Variants in SLC22A23 observed in about 807,000 individuals in gnomAD.
SLC22A23 encodes the protein solute carrier family 22 member 23.
A neutral mutation model predicts 61.0 loss-of-function variants in SLC22A23; 26 were observed. That is an observed-to-expected ratio of 0.43 (90% CI 0.31 to 0.59). The LOEUF (loss-of-function observed/expected upper bound fraction) is 0.59. Ranked by LOEUF, SLC22A23 falls within the 20% of genes least tolerant of loss-of-function variation. The pLI is 0.11. For synonymous variants in SLC22A23, 430 were observed against 413.9 expected (o/e 1.04, Z -0.47); for missense variants, 796 against 934.7 (o/e 0.85, Z 1.94).
intron 3 of SLC22A23, among the ~76,000 whole-genome samples, chr6:3,370,074 A>G (rs779515659): frequency 1.3e-5 from 2 of 152,250 alleles, no homozygotes; most frequent in Non-Finnish European, 2.9e-5. Flanking sequence ...AATCGGCTAC[A>G]ATAGACTTTG....
rs1422487160 is a variant in SLC22A23, at chr6:3,429,152, GT to G, written c.655-13298del. 2.6e-5 allele frequency among the ~76,000 whole-genome samples: 4 copies of G among 152,182 alleles called. 1 individual carries two copies. Among genetic ancestry groups the G allele is most frequent in the African/African-American group, 9.7e-5 (4 of 41,450 alleles). Reference sequence around the variant, plus strand: ...AAATTCTGGGATTTTAAAGGCTGGGGTACAACAGTCCTGTCACCCCTGACAA... The same window carrying G: ...AAATTCTGGGATTTTAAAGGCTGGGGACAACAGTCCTGTCACCCCTGACAA... On this transcript the variant is annotated intron_variant, in intron 1 of 9. Transcript: ENST00000406686.
chr6:3,282,346 G>A (rs539219795), intron 9 of SLC22A23: 241 of 701,856 alleles, frequency 3.4e-4, no homozygotes, highest in Non-Finnish European at 5.6e-4. Context: ...GACAGGATGA[G>A]TTCCTTGTGC....
At chr6:3,345,485 C>T (rs1764382773) in intron 3 of SLC22A23, among the ~76,000 whole-genome samples, 1 of 151,596 alleles carries the variant, frequency 6.6e-6, no homozygotes, top group South Asian at 2.1e-4. Context: ...CCTGCCTCAG[C>T]CTCCTGAGTA....
Position 3,350,338 on chromosome 6 carries a change from T to A in SLC22A23, c.914-26336A>T, listed in dbSNP as rs1263873423. On this transcript the variant is annotated intron_variant, in intron 3 of 9. Coordinates refer to ENST00000406686, the MANE Select transcript of SLC22A23 (RefSeq NM_015482.2). ...GCTGAAGGCTGCTGTTTTTGTACAA[T>A]GCACTGCCTGATTTTATTCAGCTCG... Among the ~76,000 whole-genome samples the A allele has an allele frequency of 3.3e-5, 5 of 152,208 alleles. No homozygotes were observed. In the East Asian group the frequency reaches 5.8e-4, roughly 18 times the overall value.
chr6:3,419,877 G>T (rs1191942403), intron 1 of SLC22A23, among the ~76,000 whole-genome samples: 1 of 152,162 alleles, frequency 6.6e-6, no homozygotes, highest in Admixed American at 6.5e-5. Context: ...CAGGGGGTAA[G>T]CAGACAAGAT....
intron 3 of SLC22A23, among the ~76,000 whole-genome samples, chr6:3,326,651 G>A (rs1048799402): frequency 6.6e-6 from 1 of 152,136 alleles, no homozygotes; most frequent in Non-Finnish European, 1.5e-5. Flanking sequence ...GCAGAGACTT[G>A]GTATTTTAGC....
At chr6:3,430,297 T>C (rs1313888754) in intron 1 of SLC22A23, among the ~76,000 whole-genome samples, 1 of 152,128 alleles carries the variant, frequency 6.6e-6, no homozygotes, top group Non-Finnish European at 1.5e-5. Context: ...AGCTTGTCCA[T>C]GGGTGAAAGG....
At chr6:3,287,424 T>TACTGACTCA (rs1760125230) in intron 6 of SLC22A23, among the ~76,000 whole-genome samples, 1 of 152,050 alleles carries the variant, frequency 6.6e-6, no homozygotes, top group Non-Finnish European at 1.5e-5. Context: ...GCTTTCCAGG[T>TACTGACTCA]ACTGACTCAT....
intron 1 of SLC22A23, chr6:3,439,557 ACT>A (rs1319364916): frequency 5.1e-6 from 1 of 197,706 alleles, no homozygotes. Context: ...AAGCTACATA[ACT>A]CTTCTTAATC....
At chr6:3,345,968 C>T (rs1461189518) in intron 3 of SLC22A23, among the ~76,000 whole-genome samples, 3 of 152,134 alleles carry the variant, frequency 2.0e-5, no homozygotes, top group Admixed American at 2.0e-4. Flanking sequence ...CTGTGGCCTT[C>T]CTTGATATTG....
At chr6:3,353,812 G>A (rs1454918561) in intron 3 of SLC22A23, among the ~76,000 whole-genome samples, 2 of 152,114 alleles carry the variant, frequency 1.3e-5, no homozygotes, top group African/African-American at 4.8e-5. Context: ...CACCTTCTTA[G>A]TAGAGGCAGA....
intron 3 of SLC22A23, among the ~76,000 whole-genome samples, chr6:3,396,111 G>T (rs1343570483): frequency 6.6e-6 from 1 of 152,240 alleles, no homozygotes; most frequent in Admixed American, 6.5e-5. Flanking sequence ...AGTTCTGTTT[G>T]CTCCATCTCT....
chr6:3,394,013 G>T (rs1767843135), intron 3 of SLC22A23, among the ~76,000 whole-genome samples: 1 of 152,178 alleles, frequency 6.6e-6, no homozygotes, highest in African/African-American at 2.4e-5. Flanking sequence ...AAAAAGGAGA[G>T]CTTGGAAACA....
intron 1 of SLC22A23, among the ~76,000 whole-genome samples, chr6:3,444,003 A>G (rs1771753418): frequency 6.6e-6 from 1 of 152,194 alleles, no homozygotes; most frequent in African/African-American, 2.4e-5. Flanking sequence ...TCTTTCCAAG[A>G]AATTCCTTTT....
At chr6:3,375,592 A>T (rs1351554474) in intron 3 of SLC22A23, among the ~76,000 whole-genome samples, 1 of 152,238 alleles carries the variant, frequency 6.6e-6, no homozygotes, top group Non-Finnish European at 1.5e-5. Flanking sequence ...TTTTCAGCAG[A>T]TGTAATTTAC....
intron 1 of SLC22A23, among the ~76,000 whole-genome samples, chr6:3,451,445 C>T (rs1327630814): frequency 3.3e-5 from 5 of 152,248 alleles, no homozygotes; most frequent in Admixed American, 2.0e-4. Context: ...GATCCATCCA[C>T]CTAGGCCTCC....
Position 3,389,756 on chromosome 6 carries a change from C to T in SLC22A23, c.913+20432G>A, listed in dbSNP as rs143130823. Among the ~76,000 whole-genome samples, 379 of 152,298 alleles carry T rather than the reference C, an allele frequency of 2.5e-3. 4 individuals are homozygous for T. Among genetic ancestry groups the T allele is most frequent in the African/African-American group, 8.0e-3 (332 of 41,560 alleles). ...GATGAAGTTATCCTTCCTGACTTAC[C>T]GAAGGATCAGAATCACCCCTGCAAA... On this transcript the variant is annotated intron_variant, in intron 3 of 9. Transcript: ENST00000406686.
At chr6:3,400,769 T>A (rs6928582) in intron 3 of SLC22A23, among the ~76,000 whole-genome samples, 71,164 of 152,194 alleles carry the variant, frequency 0.47, 18,927 homozygotes, top group African/African-American at 0.74. Context: ...AGGGTGGGGA[T>A]ATGGCAAGTC....
chr6:3,446,012 G>A (rs1055128363), intron 1 of SLC22A23, among the ~76,000 whole-genome samples: 7 of 152,164 alleles, frequency 4.6e-5, no homozygotes, highest in African/African-American at 1.7e-4. Context: ...CTGGCTAGCC[G>A]GGACTAAGAA....
Sources: gnomAD v4.1 joint callset for allele counts (sites outside exome capture counted in the v4.1 genomes callset) on GRCh38, gnomAD v4.1.1 for gene constraint, MANE v1.5 for transcripts, NCBI Gene and HGNC (gene_info 2026-07-23, HGNC 2026-07-21) for gene names.